Variants in BNC2 observed in about 807,000 individuals in gnomAD.
BNC2 encodes the protein basonuclin zinc finger protein 2.
In BNC2, 20 loss-of-function variants were observed where a neutral mutation model predicts 76.3. That is an observed-to-expected ratio of 0.26 (90% CI 0.18 to 0.38). The LOEUF is 0.38. Ranked by LOEUF, BNC2 falls within the 10% of genes least tolerant of loss-of-function variation. The probability of loss-of-function intolerance (pLI) is 1.00; values close to 1 mark genes in which losing one functional copy is unlikely to be tolerated. For missense variants in BNC2, 1,382 were observed against 1,399.8 expected (o/e 0.99, Z 0.20); for synonymous variants, 582 against 514.8 (o/e 1.13, Z -1.77).
intron 5 of BNC2, among the ~76,000 whole-genome samples, chr9:16,500,054 G>A (rs1480653378): frequency 1.3e-5 from 2 of 151,954 alleles, no homozygotes; most frequent in African/African-American, 4.8e-5. Context: ...TTAGCCTAGT[G>A]GCCTGCTACT....
chr9:16,594,949 A>G (rs1435436372), intron 3 of BNC2, among the ~76,000 whole-genome samples: 1 of 152,146 alleles, frequency 6.6e-6, no homozygotes, highest in African/African-American at 2.4e-5. Context: ...AAAACTACAC[A>G]AAAAGGGAGA....
intron 5 of BNC2, among the ~76,000 whole-genome samples, chr9:16,460,587 C>T (rs1052949966): frequency 6.6e-6 from 1 of 152,168 alleles, no homozygotes; most frequent in Admixed American, 6.5e-5. Context: ...CATGCCGCTG[C>T]ACTCTAGCCT....
At chr9:16,722,018 A>C (rs1206381097) in intron 3 of BNC2, among the ~76,000 whole-genome samples, 1 of 152,210 alleles carries the variant, frequency 6.6e-6, no homozygotes, top group African/African-American at 2.4e-5. Context: ...AAAGCTTTGC[A>C]GACAGATGAC....
chr9:16,822,591 G>A (rs962840725), intron 1 of BNC2, among the ~76,000 whole-genome samples: 4 of 152,140 alleles, frequency 2.6e-5, no homozygotes, highest in African/African-American at 9.7e-5. Flanking sequence ...ACTGCCTGAA[G>A]CTTATTGAAG....
intron 1 of BNC2, among the ~76,000 whole-genome samples, chr9:16,792,345 GT>G (rs1283373990): frequency 7.9e-5 from 12 of 152,144 alleles, no homozygotes; most frequent in Admixed American, 3.3e-4. Context: ...GTGTAACTCC[GT>G]AAGTGAAGTT....
intron 1 of BNC2, among the ~76,000 whole-genome samples, chr9:16,818,408 A>C (rs1278211745): frequency 6.6e-6 from 1 of 152,206 alleles, no homozygotes; most frequent in African/African-American, 2.4e-5. Flanking sequence ...CGTCTCAAAA[A>C]AAAATTAAAC....
intron 1 of BNC2, among the ~76,000 whole-genome samples, chr9:16,751,216 T>C (rs1259977962): frequency 2.0e-5 from 3 of 151,242 alleles, no homozygotes; most frequent in African/African-American, 7.3e-5. Context: ...ACTACAAAAC[T>C]GTGAAAACTT....
intron 2 of BNC2, among the ~76,000 whole-genome samples, chr9:16,731,480 C>A (rs1824502346): frequency 6.6e-6 from 1 of 151,930 alleles, no homozygotes; most frequent in South Asian, 2.1e-4. Flanking sequence ...TATACTTACA[C>A]AAAGTAAGAA....
intron 5 of BNC2, among the ~76,000 whole-genome samples, chr9:16,548,840 A>G (rs1018679757): frequency 6.6e-6 from 1 of 152,266 alleles, no homozygotes. Context: ...CTGAATAAAT[A>G]CTTTAATAAG....
chr9:16,638,792 T>C (rs1821402590), intron 3 of BNC2, among the ~76,000 whole-genome samples: 1 of 152,204 alleles, frequency 6.6e-6, no homozygotes, highest in African/African-American at 2.4e-5. Context: ...TCTCCATTTA[T>C]TTTAAATGAG....
At chr9:16,434,812 T>C (rs759585764) in intron 6 of BNC2, 4 of 456,196 alleles carry the variant, frequency 8.8e-6, no homozygotes, top group South Asian at 6.2e-5. Context: ...TCAAAGTATA[T>C]GCATGCCTCC....
At chr9:16,529,695 G>T (rs1817917919) in intron 5 of BNC2, among the ~76,000 whole-genome samples, 1 of 151,958 alleles carries the variant, frequency 6.6e-6, no homozygotes, top group Non-Finnish European at 1.5e-5. Context: ...CATAATTTTT[G>T]AGTATGCTAT....
intron 5 of BNC2, among the ~76,000 whole-genome samples, chr9:16,437,806 G>A (rs1162230790): frequency 6.6e-6 from 1 of 152,174 alleles, no homozygotes; most frequent in African/African-American, 2.4e-5. Context: ...AATGCCTTCA[G>A]TACTGCTTTT....
chr9:16,711,177 C>G (rs2134724339), intron 3 of BNC2, among the ~76,000 whole-genome samples: 1 of 152,176 alleles, frequency 6.6e-6, no homozygotes, highest in East Asian at 1.9e-4. Context: ...AACGCAAGAG[C>G]AAAGAATCCT....
At chr9:16,684,122 C>A (rs1822908053) in intron 3 of BNC2, among the ~76,000 whole-genome samples, 2 of 152,060 alleles carry the variant, frequency 1.3e-5, no homozygotes, top group African/African-American at 4.8e-5. Context: ...CTCACATCTG[C>A]AAAACCCAAT....
At chr9:16,818,746 C>G (rs1818245297) in intron 1 of BNC2, among the ~76,000 whole-genome samples, 1 of 152,090 alleles carries the variant, frequency 6.6e-6, no homozygotes, top group Admixed American at 6.6e-5. Flanking sequence ...AGGCTGGTCT[C>G]AAACTCCTGG....
chr9:16,669,271 G>C (rs1822401606), intron 3 of BNC2, among the ~76,000 whole-genome samples: 1 of 152,120 alleles, frequency 6.6e-6, no homozygotes, highest in Admixed American at 6.5e-5. Flanking sequence ...AGCCCACTAA[G>C]GGAGTAATTT....
intron 2 of BNC2, among the ~76,000 whole-genome samples, chr9:16,737,769 T>C (rs531520084): frequency 2.4e-4 from 36 of 152,202 alleles, no homozygotes; most frequent in African/African-American, 6.3e-4. Context: ...AAGTTAAAAA[T>C]ACGAAGACTT....
chr9:16,535,136 A>T (rs950582331), intron 5 of BNC2, among the ~76,000 whole-genome samples: 4 of 152,214 alleles, frequency 2.6e-5, no homozygotes, highest in Non-Finnish European at 4.4e-5. Flanking sequence ...AGTTCAGAGA[A>T]ATGAAACTAG....
Sources: allele counts gnomAD v4.1 joint callset (sites outside exome capture counted in the v4.1 genomes callset), GRCh38; gene constraint gnomAD v4.1.1; transcripts MANE v1.5; gene names NCBI Gene and HGNC (gene_info 2026-07-23, HGNC 2026-07-21).